Variants in VCL observed in about 807,000 individuals in gnomAD.
The protein encoded by VCL is epididymis luminal protein 114.
In VCL, 47 loss-of-function variants were observed where a neutral mutation model predicts 125.7. The ratio of observed to expected loss-of-function variants is 0.37; its 90% CI spans 0.30 to 0.48. The LOEUF is 0.48. VCL is among the 20% of genes least tolerant of loss of function. VCL has a pLI of 0.99. For missense variants in VCL, 1,069 were observed against 1,455.5 expected (o/e 0.73, Z 4.32); for synonymous variants, 458 against 514.6 (o/e 0.89, Z 1.49).
In VCL at chr10:74,094,437, C is replaced by T. The variant is rs1160021302; in HGVS notation, c.1519C>T (p.Pro507Ser). Residue 507 changes from proline to serine, a missense_variant, in exon 11 of 22, where the codon CCC becomes TCC. Physicochemically the swap from Pro to Ser is moderately conservative, Grantham distance 74. Transcript: ENST00000211998. ...GCAAGCACAGCGGTGGATTGATAAT[C>T]CCACAGTGGATGACCGTGGAGTCGG... is the stretch of plus-strand genomic sequence containing the variant. ...IEQAQRWIDN[P>S]TVDDRGVGQA... is the part of the protein sequence containing the mutation. 1 of 1,613,918 alleles carries T rather than the reference C, an allele frequency of 6.2e-7. No homozygotes were observed. The highest frequency in any genetic ancestry group is 1.3e-5 in the African/African-American group (1 of 74,928).
chr10:74,085,382 T>C (rs1039446554), intron 8 of VCL, among the ~76,000 whole-genome samples: 3 of 152,176 alleles, frequency 2.0e-5, no homozygotes, highest in South Asian at 2.1e-4. Flanking sequence ...CGTGAAAACA[T>C]TGGAATTATT....
In VCL at chr10:74,120,002, GAAGCAAATT is replaced by G. The variant is rs1840384875; in HGVS notation, c.*1836_*1844del. The G allele has an allele frequency of 9.4e-6, 1 of 106,546 alleles. No individual in the cohort carries two copies. The highest frequency in any genetic ancestry group is 1.9e-5 in the Non-Finnish European group (1 of 53,248). The allele number at this position is 106,546 out of a possible 1,614,324, so 6.6% of individuals were successfully genotyped here. Reference sequence around the variant, plus strand: ...CCAATATCAGTGCTCGAGACACAGTGAAGCAAATTAAAAAAAAAAAAAAAAAAAATCCCT... The same window carrying G: ...CCAATATCAGTGCTCGAGACACAGTGAAAAAAAAAAAAAAAAAAAATCCCT... On this transcript the variant is annotated 3_prime_UTR_variant, in exon 22 of 22. Coordinates refer to ENST00000211998, the MANE Select transcript of VCL (RefSeq NM_014000.3).
intron 18 of VCL, among the ~76,000 whole-genome samples, chr10:74,109,970 G>A (rs1840195084): frequency 6.6e-6 from 1 of 151,968 alleles, no homozygotes. Context: ...CATCCTCAAA[G>A]CTTTCAAGCT....
chr10:74,102,869 G>GA (rs1840080164), intron 14 of VCL, among the ~76,000 whole-genome samples: 2 of 146,394 alleles, frequency 1.4e-5, no homozygotes, highest in Non-Finnish European at 3.0e-5. Flanking sequence ...ACCTCTGTGA[G>GA]TTTTTTTTTT....
In VCL at chr10:74,112,175, C is replaced by T. The variant is rs927631986; in HGVS notation, c.2949+63C>T. 20 of 1,582,406 alleles carry T rather than the reference C, an allele frequency of 1.3e-5. 1 individual carries two copies. In the East Asian group the frequency reaches 4.2e-4, roughly 34 times the overall value. ...TGCATCCGGCCATGTGCAGCCTTGA[C>T]ACATTGCATCACTCATGATCTGTGC... On this transcript the variant is annotated intron_variant, in intron 19 of 21. Transcript: ENST00000211998.
chr10:74,084,890 G>A (rs1193408069), intron 8 of VCL, among the ~76,000 whole-genome samples: 1 of 152,138 alleles, frequency 6.6e-6, no homozygotes, highest in East Asian at 1.9e-4. Flanking sequence ...GGGATTATAG[G>A]TGTGAGCCAC....
At chr10:74,076,399 CT>C in intron 6 of VCL, 1 of 152,724 alleles carries the variant, frequency 6.5e-6, no homozygotes, top group Non-Finnish European at 1.5e-5. Flanking sequence ...CTCCTGGGAT[CT>C]TTTTTGGCCT....
intron 10 of VCL, among the ~76,000 whole-genome samples, chr10:74,091,695 A>G (rs1291253349): frequency 6.7e-6 from 1 of 148,988 alleles, no homozygotes; most frequent in Admixed American, 6.8e-5. Flanking sequence ...AGGCTGAGGC[A>G]AGAGAATAGC....
chr10:74,021,838 T>C (rs893676588), intron 1 of VCL, among the ~76,000 whole-genome samples: 1 of 152,258 alleles, frequency 6.6e-6, no homozygotes, highest in East Asian at 1.9e-4. Flanking sequence ...CCTCTTCTTT[T>C]TTTTTCCAAC....
intron 6 of VCL, 126 bp from the exon 7 acceptor site, chr10:74,082,328 A>T: frequency 1.1e-6 from 1 of 904,896 alleles, no homozygotes; most frequent in Non-Finnish European, 1.8e-6. Context: ...CAATATTTTT[A>T]AGGCCTTCGT....
At chr10:74,028,646 C>T (rs1361157869) in intron 1 of VCL, among the ~76,000 whole-genome samples, 1 of 152,078 alleles carries the variant, frequency 6.6e-6, no homozygotes, top group African/African-American at 2.4e-5. Context: ...ATCCACTCAC[C>T]TTGGCCTCCC....
chr10:74,009,078 G>A (rs56914341), intron 1 of VCL, among the ~76,000 whole-genome samples: 1 of 151,994 alleles, frequency 6.6e-6, no homozygotes, highest in Non-Finnish European at 1.5e-5. Flanking sequence ...GAGGAAGGAC[G>A]TCCCATTGAA....
At chr10:74,000,497 G>A (rs982821655) in intron 1 of VCL, among the ~76,000 whole-genome samples, 15 of 151,968 alleles carry the variant, frequency 9.9e-5, no homozygotes, top group Admixed American at 1.3e-4. Context: ...CCACTGCAAC[G>A]TCCTCCTCCC....
intron 1 of VCL, among the ~76,000 whole-genome samples, chr10:74,031,694 A>G (rs1432026713): frequency 6.6e-6 from 1 of 152,078 alleles, no homozygotes; most frequent in Non-Finnish European, 1.5e-5. Context: ...CCCCGCAGGC[A>G]GATTACTTGA....
At chr10:74,004,511 TG>T (rs1840284055) in intron 1 of VCL, among the ~76,000 whole-genome samples, 1 of 152,168 alleles carries the variant, frequency 6.6e-6, no homozygotes, top group Admixed American at 6.5e-5. Flanking sequence ...TAAATATCAG[TG>T]GAGGTTTCCC....
chr10:74,043,325 T>C (rs546423363), intron 2 of VCL, among the ~76,000 whole-genome samples, 172 bp downstream of exon 2: 1 of 152,016 alleles, frequency 6.6e-6, no homozygotes, highest in East Asian at 1.9e-4. Context: ...TTTTAGTTTT[T>C]GATATTAGGC....
chr10:74,044,199 T>C (rs1405091529), intron 2 of VCL, among the ~76,000 whole-genome samples: 1 of 152,200 alleles, frequency 6.6e-6, no homozygotes, highest in East Asian at 1.9e-4. Context: ...AAAAATAATT[T>C]CCAGGCTTTT....
intron 14 of VCL, among the ~76,000 whole-genome samples, chr10:74,103,570 GGACACTCATTTACTTT>G: frequency 6.6e-6 from 1 of 152,264 alleles, no homozygotes; most frequent in Non-Finnish European, 1.5e-5. Flanking sequence ...AGTATCAAGT[GGACACTCATTTACTTT>G]GTCACTTTAT....
intron 1 of VCL, among the ~76,000 whole-genome samples, chr10:74,033,261 A>T (rs1176463364): frequency 6.6e-6 from 1 of 152,236 alleles, no homozygotes; most frequent in East Asian, 1.9e-4. Context: ...AGCACATCTT[A>T]TGTGATTCTA....
Sources: gnomAD v4.1 joint callset for allele counts (sites outside exome capture counted in the v4.1 genomes callset) on GRCh38, gnomAD v4.1.1 for gene constraint, MANE v1.5 for transcripts, NCBI Gene and HGNC (gene_info 2026-07-23, HGNC 2026-07-21) for gene names.